KCNK2: variants seen among roughly 807,000 people sequenced by gnomAD.
KCNK2 encodes potassium channel subfamily K member 2.
In KCNK2, 21 loss-of-function variants were observed where a neutral mutation model predicts 40.5. The ratio of observed to expected loss-of-function variants is 0.52; its 90% confidence interval spans 0.37 to 0.75. The LOEUF (loss-of-function observed/expected upper bound fraction) is 0.75, where lower values mean the gene tolerates loss of function less well. Among genes scored for constraint, KCNK2 ranks in the 30% least tolerant of loss-of-function variants. The pLI is 0.00. For synonymous variants in KCNK2, 191 were observed against 202.2 expected, an observed-to-expected ratio of 0.94 and a Z score of 0.47; for missense variants, 399 against 531.6, an observed-to-expected ratio of 0.75 and a Z score of 2.45.
chr1:215,037,501 T>G (rs1314212238), intron 1 of KCNK2, among the ~76,000 whole-genome samples: 1 of 151,958 alleles, frequency 6.6e-6, no homozygotes, highest in Non-Finnish European at 1.5e-5. Flanking sequence ...TTTTTTATAA[T>G]GACATTGCAA....
intron 2 of KCNK2, among the ~76,000 whole-genome samples, chr1:215,101,012 G>C (rs181336609): frequency 3.3e-5 from 5 of 151,880 alleles, no homozygotes; most frequent in South Asian, 2.1e-4. Context: ...TAGCATATTA[G>C]CTGTTATAGA....
intron 1 of KCNK2, among the ~76,000 whole-genome samples, chr1:215,059,146 C>CAT (rs35503517): frequency 3.4e-5 from 5 of 147,840 alleles, no homozygotes; most frequent in African/African-American, 7.4e-5. Flanking sequence ...TATACACACA[C>CAT]ATATATATAT....
At chr1:215,117,787 A>G (rs1661012982) in intron 2 of KCNK2, among the ~76,000 whole-genome samples, 1 of 152,092 alleles carries the variant, frequency 6.6e-6, no homozygotes, top group South Asian at 2.1e-4. Context: ...ATTTTATGCA[A>G]GGAACCCAAT....
intron 3 of KCNK2, among the ~76,000 whole-genome samples, chr1:215,157,089 C>T (rs934156917): frequency 2.4e-4 from 36 of 152,136 alleles, no homozygotes; most frequent in African/African-American, 8.4e-4. Context: ...CCCACAAGGC[C>T]CCTCCTCTGA....
intron 1 of KCNK2, among the ~76,000 whole-genome samples, chr1:215,038,934 C>T (rs553377513): frequency 1.3e-5 from 2 of 151,732 alleles, no homozygotes; most frequent in African/African-American, 4.8e-5. Flanking sequence ...TTTTTACCTG[C>T]AGCAGAGAAT....
At chr1:215,068,301 G>T (rs1658629170) in intron 1 of KCNK2, among the ~76,000 whole-genome samples, 1 of 152,116 alleles carries the variant, frequency 6.6e-6, no homozygotes, top group South Asian at 2.1e-4. Context: ...GTGGAGTTAA[G>T]ATTCACATTG....
chr1:215,175,448 G>A (rs1371044899), intron 5 of KCNK2, among the ~76,000 whole-genome samples: 1 of 98,848 alleles, frequency 1.0e-5, no homozygotes, highest in African/African-American at 2.7e-5. Context: ...GTCTGCCTCT[G>A]ATTTTTTTTT....
intron 3 of KCNK2, among the ~76,000 whole-genome samples, chr1:215,141,090 C>T (rs949892162): frequency 3.9e-5 from 6 of 151,972 alleles, no homozygotes; most frequent in Non-Finnish European, 8.8e-5. Flanking sequence ...CACTGTGTTC[C>T]ACCTCCGTAT....
intron 1 of KCNK2, among the ~76,000 whole-genome samples, chr1:215,070,099 A>T (rs1658693419): frequency 6.6e-6 from 1 of 152,084 alleles, no homozygotes; most frequent in African/African-American, 2.4e-5. Flanking sequence ...CATGCTTGAG[A>T]CTGGGTAATT....
chr1:215,182,601 G>A (rs1342232525), intron 5 of KCNK2, among the ~76,000 whole-genome samples: 1 of 152,142 alleles, frequency 6.6e-6, no homozygotes, highest in African/African-American at 2.4e-5. Context: ...ACCCAGGCCT[G>A]TGACGGAGGA....
chr1:215,236,045 AATCT>A lies in KCNK2; in HGVS notation c.*950_*953del, dbSNP rs1553277248. ...TACATTTTTAAAGGCAGAAGAAGAA[AATCT>A]ATCTATCTATCTATCTATCTATCTA... On this transcript the variant is annotated 3_prime_UTR_variant, in exon 7 of 7. Transcript: ENST00000444842. The A allele has an allele frequency of 0.12, 17,197 of 144,096 alleles. 1,067 individuals are homozygous for A. The highest frequency in any genetic ancestry group is 0.21 in the Middle Eastern group (60 of 284). The allele number at this position is 144,096 out of a possible 1,614,324, so 8.9% of individuals were successfully genotyped here. A position where few individuals can be genotyped will look rare whatever the true frequency, so the allele number is the denominator to read the frequency against.
intron 1 of KCNK2, among the ~76,000 whole-genome samples, chr1:215,041,938 C>T (rs1016307699): frequency 3.9e-5 from 6 of 152,158 alleles, no homozygotes; most frequent in Admixed American, 3.9e-4. Flanking sequence ...CCCTCACAAT[C>T]ATGGCAAAAG....
intron 1 of KCNK2, among the ~76,000 whole-genome samples, chr1:215,029,945 G>T (rs1287100465): frequency 6.6e-6 from 1 of 152,084 alleles, no homozygotes; most frequent in East Asian, 1.9e-4. Flanking sequence ...CACAATTACT[G>T]GATCATATGG....
At chr1:215,204,942 C>T (rs1042576642) in intron 6 of KCNK2, among the ~76,000 whole-genome samples, 1 of 152,118 alleles carries the variant, frequency 6.6e-6, no homozygotes. Context: ...CTGCCTCAAA[C>T]TTGATTTGAA....
At chr1:215,181,776 T>A (rs1381108892) in intron 5 of KCNK2, among the ~76,000 whole-genome samples, 1 of 152,188 alleles carries the variant, frequency 6.6e-6, no homozygotes, top group Non-Finnish European at 1.5e-5. Flanking sequence ...AATCCTTTTT[T>A]AACGGGAATA....
At chr1:215,178,010 T>G (rs1229616715) in intron 5 of KCNK2, among the ~76,000 whole-genome samples, 1 of 151,952 alleles carries the variant, frequency 6.6e-6, no homozygotes, top group Non-Finnish European at 1.5e-5. Flanking sequence ...AATCCATGAA[T>G]ATGGAATATT....
intron 2 of KCNK2, among the ~76,000 whole-genome samples, chr1:215,120,860 T>A (rs578203507): frequency 1.2e-4 from 18 of 152,376 alleles, no homozygotes; most frequent in South Asian, 4.1e-4. Flanking sequence ...TGTTTATTGC[T>A]ATCTTAAAAT....
chr1:215,232,750 G>C (rs1010933539), intron 6 of KCNK2, among the ~76,000 whole-genome samples: 2 of 152,306 alleles, frequency 1.3e-5, no homozygotes, highest in Non-Finnish European at 2.9e-5. Context: ...GTGGTGGCGG[G>C]TTCTGTGAAA....
chr1:215,175,858 C>G (rs1266078485), intron 5 of KCNK2, among the ~76,000 whole-genome samples: 1 of 152,154 alleles, frequency 6.6e-6, no homozygotes, highest in Non-Finnish European at 1.5e-5. Flanking sequence ...GCAAAGTATT[C>G]CGTGGTGTGT....
Sources: allele counts gnomAD v4.1 joint callset (sites outside exome capture counted in the v4.1 genomes callset), GRCh38; gene constraint gnomAD v4.1.1; transcripts MANE v1.5; gene names NCBI Gene and HGNC (gene_info 2026-07-23, HGNC 2026-07-21).